CORIN: variants seen among roughly 807,000 people sequenced by gnomAD.
The protein encoded by CORIN is atrial natriuretic peptide-converting enzyme.
CORIN carries 117 observed loss-of-function variants against 125.3 expected under a neutral mutation model. The ratio of observed to expected loss-of-function variants is 0.93; its 90% confidence interval spans 0.80 to 1.09. The LOEUF (loss-of-function observed/expected upper bound fraction) is 1.09, where lower values mean the gene tolerates loss of function less well. CORIN is among the 50% of genes least tolerant of loss of function. The pLI is 0.00. For missense variants in CORIN, 1,253 were observed against 1,306.7 expected (o/e 0.96, Z 0.63); for synonymous variants, 450 against 466.4 (o/e 0.96, Z 0.45).
At chr4:47,804,104 G>A (rs1175540013) in intron 2 of CORIN, among the ~76,000 whole-genome samples, 7 of 151,992 alleles carry the variant, frequency 4.6e-5, no homozygotes, top group Admixed American at 1.3e-4. Context: ...ATATGAAAAG[G>A]GGCTCAACAT....
At chr4:47,835,753 A>G (rs1250647082) in intron 1 of CORIN, among the ~76,000 whole-genome samples, 1 of 152,220 alleles carries the variant, frequency 6.6e-6, no homozygotes, top group Non-Finnish European at 1.5e-5. Context: ...GTGGAATGCA[A>G]GATGCGGAAG....
chr4:47,662,485 T>G (rs955284442), intron 11 of CORIN, among the ~76,000 whole-genome samples: 16 of 152,188 alleles, frequency 1.1e-4, no homozygotes, highest in African/African-American at 3.9e-4. Flanking sequence ...TTCGTGCGTA[T>G]TATGTCTTTT....
At chr4:47,678,628 C>T (rs1725128627) in intron 8 of CORIN, among the ~76,000 whole-genome samples, 1 of 152,206 alleles carries the variant, frequency 6.6e-6, no homozygotes, top group African/African-American at 2.4e-5. Context: ...TTTATTTCAA[C>T]ACTTGTTTAT....
chr4:47,626,583 C>T, intron 16 of CORIN, 62 bp from the exon 17 acceptor site: 1 of 989,418 alleles, frequency 1.0e-6, no homozygotes, highest in East Asian at 2.4e-5. Flanking sequence ...CAGGCATTAT[C>T]ATTATTTAGC....
intron 5 of CORIN, among the ~76,000 whole-genome samples, chr4:47,715,150 A>G (rs1727027691): frequency 6.6e-6 from 1 of 152,246 alleles, no homozygotes; most frequent in South Asian, 2.1e-4. Context: ...AAAACAGAAA[A>G]TACTATGGAA....
rs142397223 is a variant in CORIN, at chr4:47,696,865, C to T, written c.800-3782G>A. On this transcript the variant is annotated intron_variant, in intron 5 of 21. Transcript: ENST00000273857. ...TGTGTATCAATATTATTGGCAAATG[C>T]TCTTATTATTCTGGTTGTTAACTTT... 9.5e-4 allele frequency among the ~76,000 whole-genome samples: 144 copies of T among 152,316 alleles called. 1 individual carries two copies. The highest frequency in any genetic ancestry group is 3.2e-3 in the African/African-American group (134 of 41,560).
intron 3 of CORIN, among the ~76,000 whole-genome samples, chr4:47,780,365 T>C (rs1206327057): frequency 6.6e-6 from 1 of 151,848 alleles, no homozygotes; most frequent in Non-Finnish European, 1.5e-5. Context: ...AAATGGGAAA[T>C]AAAAACTTCA....
Position 47,833,070 on chromosome 4 carries a change from C to T in CORIN, c.63+4817G>A, listed in dbSNP as rs1436430818. Among the ~76,000 whole-genome samples, 3 of 151,886 alleles carry T rather than the reference C, an allele frequency of 2.0e-5. No homozygotes were observed. The East Asian group carries it at 5.8e-4, about 29-fold the overall frequency. On this transcript the variant is annotated intron_variant, in intron 1 of 21. Transcript: ENST00000273857. ...CACCAAGTCTAGGATGAGACTGGATCCTCAAGTAAAAACAGATTAGGAAAC... is the reference window on the plus strand; with the variant it reads ...CACCAAGTCTAGGATGAGACTGGATTCTCAAGTAAAAACAGATTAGGAAAC...
intron 3 of CORIN, among the ~76,000 whole-genome samples, chr4:47,781,643 T>G (rs537422678): frequency 1.3e-5 from 2 of 152,298 alleles, no homozygotes; most frequent in African/African-American, 4.8e-5. Context: ...AGAATCAGTA[T>G]CCACAAAATA....
intron 19 of CORIN, among the ~76,000 whole-genome samples, chr4:47,623,096 C>CTCTCTCTCTCTCTATATATATATA (rs771867590): frequency 9.8e-6 from 1 of 102,300 alleles, no homozygotes; most frequent in Non-Finnish European, 1.8e-5. Flanking sequence ...CTCTCTCTCT[C>CTCTCTCTCTCTCTATATATATATA]TATATATATA....
chr4:47,620,278 T>C (rs956397600), intron 19 of CORIN, among the ~76,000 whole-genome samples: 2 of 152,184 alleles, frequency 1.3e-5, no homozygotes, highest in African/African-American at 4.8e-5. Flanking sequence ...TTTATTGCAG[T>C]ATTGTTAAAA....
chr4:47,645,164 G>A lies in CORIN; in HGVS notation c.1874C>T (p.Pro625Leu). Reference protein sequence around the residue: ...GCKERDLWECPSNKQCLKHTV... With the variant: ...GCKERDLWECLSNKQCLKHTV... ...GTGCTTCAAACATTGTTTATTGGAT[G>A]GACATTCCCAAAGATCTCTCTCTTT... Residue 625 changes from proline (P) to leucine (L), a missense_variant, in exon 14 of 22, where the codon CCA (proline) becomes CTA (leucine). Physicochemically the swap from Pro to Leu is moderately conservative, Grantham distance 98. Transcript: ENST00000273857. 6.2e-7 allele frequency: 1 copy of A among 1,610,058 alleles called. No individual in the cohort carries two copies. Among genetic ancestry groups the A allele is most frequent in the South Asian group, 1.1e-5 (1 of 90,838 alleles).
chr4:47,612,570 G>A (rs947814686), intron 19 of CORIN, among the ~76,000 whole-genome samples: 4 of 152,146 alleles, frequency 2.6e-5, no homozygotes, highest in Non-Finnish European at 5.9e-5. Flanking sequence ...GGGATTCATT[G>A]TTCCATTTTA....
chr4:47,706,543 G>A, intron 5 of CORIN: 1 of 1,610,936 alleles, frequency 6.2e-7, no homozygotes. Context: ...GGCCAAGCAA[G>A]GTTACGTTAT....
chr4:47,629,244 T>G (rs1722709428), intron 16 of CORIN, among the ~76,000 whole-genome samples: 1 of 152,178 alleles, frequency 6.6e-6, no homozygotes, highest in Non-Finnish European at 1.5e-5. Context: ...TTAACAGATA[T>G]GAGGTGACAT....
chr4:47,781,010 A>G lies in CORIN; in HGVS notation c.409+5715T>C, dbSNP rs986412873. Among the ~76,000 whole-genome samples, 4 of 151,974 alleles carry G rather than the reference A, an allele frequency of 2.6e-5. No individual in the cohort carries two copies. The East Asian group carries it at 7.7e-4, about 29-fold the overall frequency. On this transcript the variant is annotated intron_variant, in intron 3 of 21. Transcript: ENST00000273857. Reference sequence around the variant, plus strand: ...ACAAAAGAAGGCAGTAATCCAGGAAATGAGGGATGAAAAAAAGCTACAAGG... The same window carrying G: ...ACAAAAGAAGGCAGTAATCCAGGAAGTGAGGGATGAAAAAAAGCTACAAGG...
At chr4:47,704,480 G>C (rs1376793018) in intron 5 of CORIN, among the ~76,000 whole-genome samples, 1 of 152,066 alleles carries the variant, frequency 6.6e-6, no homozygotes, top group Non-Finnish European at 1.5e-5. Context: ...GAACGAGCCA[G>C]GGCAATAAGG....
chr4:47,672,689 A>G (rs1443767213), intron 10 of CORIN, among the ~76,000 whole-genome samples: 1 of 152,040 alleles, frequency 6.6e-6, no homozygotes, highest in Non-Finnish European at 1.5e-5. Flanking sequence ...GATATGTTCT[A>G]TTTAAATCAG....
intron 2 of CORIN, among the ~76,000 whole-genome samples, chr4:47,795,406 G>A (rs373205419): frequency 6.4e-4 from 97 of 152,142 alleles, no homozygotes; most frequent in African/African-American, 2.3e-3. Context: ...AATTCCTCCA[G>A]TCAATGAATA....
Sources: gnomAD v4.1 joint callset for allele counts (sites outside exome capture counted in the v4.1 genomes callset) on GRCh38, gnomAD v4.1.1 for gene constraint, MANE v1.5 for transcripts, NCBI Gene and HGNC (gene_info 2026-07-23, HGNC 2026-07-21) for gene names.